Variants in LPL observed in about 807,000 individuals in gnomAD.
LPL encodes phospholipase A1.
Under a neutral mutation model 52.2 loss-of-function variants are expected in LPL, and 43 were observed. That is an observed-to-expected ratio of 0.82 (90% CI 0.64 to 1.06). LPL has a LOEUF of 1.06. Among genes scored for constraint, LPL ranks in the 50% least tolerant of loss-of-function variants. The pLI, the probability that LPL is intolerant of heterozygous loss-of-function variation, is 0.00. For missense variants in LPL, 639 were observed against 585.3 expected (o/e 1.09, Z -0.95); for synonymous variants, 244 against 215.6 (o/e 1.13, Z -1.15).
chr8:19,951,924 G>A lies in LPL; in HGVS notation c.405G>A (p.Val135=), dbSNP rs1121923. The A allele has an allele frequency of 0.034, 55,135 of 1,614,046 alleles. 1,345 individuals carry two copies. Among genetic ancestry groups the A allele is most frequent in the African/African-American group, 0.11 (8,498 of 74,996 alleles). The part of the protein sequence containing the change: ...AGYTKLVGQD[V]ARFINWMEEE... The stretch of plus-strand genomic sequence containing the variant: ...ACACCAAACTGGTGGGACAGGATGT[G>A]GCCCGGTTTATCAACTGGATGGAGG... The change falls in exon 3 of 10, where the codon GTG becomes GTA. Residue 135 remains valine, a synonymous_variant. Transcript: ENST00000650287.
chr8:19,949,485 A>T (rs2069913621), intron 2 of LPL, among the ~76,000 whole-genome samples: 1 of 152,114 alleles, frequency 6.6e-6, no homozygotes, highest in African/African-American at 2.4e-5. Context: ...AGGAAAAAGG[A>T]ATCTTTTTCT....
rs2070018016 is a variant in LPL, at chr8:19,959,458, G to C, written c.1139+78G>C. On this transcript the variant is annotated intron_variant, in intron 7 of 9. Transcript: ENST00000650287. ...ACCCTTGGTCTGAGCAGCAGAAGCAGAGAGCGATGCCTAGAAAACAAGTCT... is the reference window on the plus strand; with the variant it reads ...ACCCTTGGTCTGAGCAGCAGAAGCACAGAGCGATGCCTAGAAAACAAGTCT... The C allele has an allele frequency of 1.1e-5, 17 of 1,547,614 alleles. No individual in the cohort carries two copies. The South Asian group carries it at 1.4e-4, about 13-fold the overall frequency.
chr8:19,953,195 G>C (rs2069949964), intron 3 of LPL, 115 bp from the exon 4 acceptor site: 1 of 694,950 alleles, frequency 1.4e-6, no homozygotes, highest in Non-Finnish European at 2.6e-6. Context: ...AAAATAAGTA[G>C]AATTAGTTTT....
intron 1 of LPL, among the ~76,000 whole-genome samples, chr8:19,947,632 C>CA (rs955211946): frequency 1.4e-5 from 2 of 147,890 alleles, no homozygotes; most frequent in Admixed American, 6.8e-5. Flanking sequence ...GACCCTGTCT[C>CA]AAAAAACAAA....
chr8:19,953,159 C>G, intron 3 of LPL, 151 bp from the exon 4 acceptor site: 1 of 586,806 alleles, frequency 1.7e-6, no homozygotes, highest in Non-Finnish European at 3.1e-6. Context: ...AGAATATTTT[C>G]TCTCTCTTAC....
intron 1 of LPL, among the ~76,000 whole-genome samples, chr8:19,940,927 T>TAA (rs150730448): frequency 1.6e-4 from 24 of 148,680 alleles, no homozygotes; most frequent in African/African-American, 3.4e-4. Context: ...ACCGTCTCTA[T>TAA]AAAAAAAAAA....
rs2069899038 is a variant in LPL, at chr8:19,948,092, G to A, written c.89-88G>A. ...CAGAAACAAAAATAGCATCAGCGGT[G>A]GTTGCCTGTGAACCTAAAACATATC... On this transcript the variant is annotated intron_variant, in intron 1 of 9. Transcript: ENST00000650287. 12 of 1,370,340 alleles carry A rather than the reference G, an allele frequency of 8.8e-6. No individual in the cohort carries two copies. The South Asian group carries it at 1.3e-4, about 15-fold the overall frequency. The allele number at this position is 1,370,340 out of a possible 1,614,324, so 84.9% of individuals were successfully genotyped here.
In LPL at chr8:19,965,911, G is replaced by A. The variant is rs2070083880; in HGVS notation, c.*601G>A. 1 of 152,270 alleles carries A rather than the reference G, an allele frequency of 6.6e-6. No individual in the cohort carries two copies. The highest frequency in any genetic ancestry group is 2.4e-5 in the African/African-American group (1 of 41,428). The allele number at this position is 152,270 out of a possible 1,614,324, so 9.4% of individuals were successfully genotyped here. ...CTGATAAACACAGAGGTTTTAAACA[G>A]TCCCTACCATTGGCCTGCATCATGA... On this transcript the variant is annotated 3_prime_UTR_variant, in exon 10 of 10. Coordinates refer to ENST00000650287, the MANE Select transcript of LPL (RefSeq NM_000237.3).
rs1306162483 is a variant in LPL, at chr8:19,956,009, A to G, written c.944A>G (p.Tyr315Cys). The change falls in exon 6 of 10, where the codon TAT (tyrosine) becomes TGT (cysteine). Residue 315 changes from tyrosine to cysteine, a missense_variant. Transcript: ENST00000650287. The stretch of plus-strand genomic sequence containing the variant: ...AAGAACCGCTGCAACAATCTGGGCT[A>G]TGAGATCAATAAAGTCAGAGCCAAA... Reference protein sequence around the residue: ...CRKNRCNNLGYEINKVRAKRS... With the variant: ...CRKNRCNNLGCEINKVRAKRS... 1 of 1,614,214 alleles carries G rather than the reference A, an allele frequency of 6.2e-7. No homozygotes were observed. The highest frequency in any genetic ancestry group is 8.5e-7 in the Non-Finnish European group (1 of 1,180,036).
intron 9 of LPL, among the ~76,000 whole-genome samples, chr8:19,965,090 T>TA (rs2070073850): frequency 6.6e-6 from 1 of 151,212 alleles, no homozygotes; most frequent in Non-Finnish European, 1.5e-5. Flanking sequence ...TGATGCACCT[T>TA]ATTGGGACGG....
At chr8:19,945,915 A>G (rs2128836459) in intron 1 of LPL, among the ~76,000 whole-genome samples, 1 of 152,340 alleles carries the variant, frequency 6.6e-6, no homozygotes, top group East Asian at 1.9e-4. Context: ...GAGAGGAGGT[A>G]TGAGCTATTT....
chr8:19,962,494 C>T (rs1361295961), intron 9 of LPL, among the ~76,000 whole-genome samples: 1 of 152,170 alleles, frequency 6.6e-6, no homozygotes, highest in Admixed American at 6.5e-5. Flanking sequence ...CCTTGAACTA[C>T]CCCTGAATCT....
chr8:19,959,300 G>C lies in LPL; in HGVS notation c.1059G>C (p.Glu353Asp), dbSNP rs747267560. The change falls in exon 7 of 10, where the codon GAG (glutamate) becomes GAC (aspartate). Residue 353 changes from glutamate (E) to aspartate (D), a missense_variant. By Grantham distance (45) the Glu-to-Asp change is conservative. Coordinates refer to ENST00000650287, the MANE Select transcript of LPL (RefSeq NM_000237.3). ...TAAAGATTCATTTTTCTGGGACTGA[G>C]AGTGAAACCCATACCAATCAGGCCT... ...YQVKIHFSGT[E>D]SETHTNQAFE... 4.3e-6 allele frequency: 7 copies of C among 1,614,124 alleles called. No homozygotes were observed. The highest frequency in any genetic ancestry group is 1.6e-4 in the Middle Eastern group (1 of 6,062).
intron 7 of LPL, 110 bp downstream of exon 7, chr8:19,959,490 A>G: frequency 7.3e-7 from 1 of 1,361,000 alleles, no homozygotes; most frequent in Non-Finnish European, 9.9e-7. Flanking sequence ...GTCTTTAGTT[A>G]AAAAAATCAG....
intron 2 of LPL, among the ~76,000 whole-genome samples, chr8:19,951,219 A>G (rs2069931393): frequency 1.3e-5 from 2 of 152,180 alleles, no homozygotes; most frequent in Admixed American, 1.3e-4. Flanking sequence ...ACTGGCTTTA[A>G]GTACAGGGTT....
chr8:19,943,678 C>T (rs1479411407), intron 1 of LPL, among the ~76,000 whole-genome samples: 1 of 152,154 alleles, frequency 6.6e-6, no homozygotes, highest in East Asian at 1.9e-4. Context: ...TTTCATTAAC[C>T]AGTCCACAAG....
intron 7 of LPL, among the ~76,000 whole-genome samples, chr8:19,960,175 A>G (rs1214862942): frequency 1.3e-5 from 2 of 152,240 alleles, no homozygotes; most frequent in African/African-American, 4.8e-5. Flanking sequence ...AAAAATAGCC[A>G]GTGCAGACAA....
chr8:19,948,462 T>C lies in LPL; in HGVS notation c.249+122T>C, dbSNP rs898347842. Reference sequence around the variant, plus strand: ...ACATCTCACGTGGATCTCCTTACACTTGAATAAAGACAGTTCTGGCTCAGG... The same window carrying C: ...ACATCTCACGTGGATCTCCTTACACCTGAATAAAGACAGTTCTGGCTCAGG... On this transcript the variant is annotated intron_variant, in intron 2 of 9. Transcript: ENST00000650287. 3.5e-6 allele frequency: 4 copies of C among 1,156,690 alleles called. No individual in the cohort carries two copies. In the African/African-American group the frequency reaches 6.3e-5, roughly 18 times the overall value. 71.7% of individuals were successfully genotyped at this position (1,156,690 alleles called of 1,614,324 possible).
At chr8:19,963,875 C>T (rs28424158) in intron 9 of LPL, among the ~76,000 whole-genome samples, 5,758 of 152,100 alleles carry the variant, frequency 0.038, 361 homozygotes, top group African/African-American at 0.13. Flanking sequence ...TGTTTTTCCT[C>T]ATCACAAATC....
Sources: allele counts gnomAD v4.1 joint callset (sites outside exome capture counted in the v4.1 genomes callset), GRCh38; gene constraint gnomAD v4.1.1; transcripts MANE v1.5; gene names NCBI Gene and HGNC (gene_info 2026-07-23, HGNC 2026-07-21).